The following PCDHA7 variants were observed in gnomAD, a reference collection of about 807,000 sequenced individuals.
The protein encoded by PCDHA7 is protocadherin alpha-7.
PCDHA7 carries 37 observed loss-of-function variants against 57.2 expected under a neutral mutation model. That is an observed-to-expected ratio of 0.65 (90% CI 0.50 to 0.85). The LOEUF (loss-of-function observed/expected upper bound fraction) is 0.85. Ranked by LOEUF, PCDHA7 falls within the 40% of genes least tolerant of loss-of-function variation. PCDHA7 has a pLI of 0.00. For synonymous variants in PCDHA7, 553 were observed against 558.8 expected, an observed-to-expected ratio of 0.99 and a Z score of 0.15; for missense variants, 1,188 against 1,241.8, an observed-to-expected ratio of 0.96 and a Z score of 0.65.
In PCDHA7 at chr5:141,011,141, A is replaced by T. The variant is rs1039778930; in HGVS notation, c.*1204A>T. ...ACAATTATGTGCACTTTGATACACA[A>T]CCTTCTCTAACCAACTATATATCAA... is the stretch of plus-strand genomic sequence containing the variant. On this transcript the variant is annotated 3_prime_UTR_variant, in exon 4 of 4. Transcript: ENST00000525929. 2.6e-5 allele frequency: 4 copies of T among 153,668 alleles called. No homozygotes were observed. The highest frequency in any genetic ancestry group is 4.4e-5 in the Non-Finnish European group (3 of 68,036). The allele number at this position is 153,668 out of a possible 1,614,324, so 9.5% of individuals were successfully genotyped here. A position where few individuals can be genotyped will look rare whatever the true frequency, so the allele number is the denominator to read the frequency against.
chr5:140,864,629 A>G (rs2048549336), intron 1 of PCDHA7: 1 of 152,244 alleles, frequency 6.6e-6, no homozygotes, highest in Non-Finnish European at 1.5e-5. Context: ...TAAAAAGAAA[A>G]CAAAACAAAA....
At position 140,917,079 on chromosome 5, in the gene PCDHA7, A is replaced by G. The variant is rs115825402; in HGVS notation, c.2356-61870A>G. Among the ~76,000 whole-genome samples the G allele has an allele frequency of 8.0e-3, 1,217 of 152,106 alleles. 6 individuals carry two copies. The highest frequency in any genetic ancestry group is 0.019 in the African/African-American group (785 of 41,476). On this transcript the variant is annotated intron_variant, in intron 1 of 3. Coordinates refer to ENST00000525929, the MANE Select transcript of PCDHA7 (RefSeq NM_018910.3). ...GCTACGACAGCACCGAGTTTAATGT[A>G]AAGTTCCCCAGTTGCTGTGCTTTAC... is the stretch of plus-strand genomic sequence containing the variant.
chr5:140,941,243 CTT>C (rs782176516), intron 1 of PCDHA7, among the ~76,000 whole-genome samples: 1 of 131,826 alleles, frequency 7.6e-6, no homozygotes, highest in Non-Finnish European at 1.6e-5. Flanking sequence ...TTCTTTCTTT[CTT>C]TCTTTCTTTC....
At chr5:140,991,991 T>C (rs1420188681) in intron 3 of PCDHA7, among the ~76,000 whole-genome samples, 1 of 151,444 alleles carries the variant, frequency 6.6e-6, no homozygotes, top group Admixed American at 6.6e-5. Context: ...TACCACCCGG[T>C]CTTTCATGTT....
chr5:140,875,246 C>A (rs2055373842), intron 1 of PCDHA7: 3 of 955,372 alleles, frequency 3.1e-6, no homozygotes, highest in Non-Finnish European at 4.4e-6. Flanking sequence ...CTTACATAAT[C>A]AGTCACATGA....
At chr5:140,947,302 C>G (rs1390442873) in intron 1 of PCDHA7, among the ~76,000 whole-genome samples, 2 of 151,504 alleles carry the variant, frequency 1.3e-5, no homozygotes, top group Non-Finnish European at 3.0e-5. Flanking sequence ...ATCTTGACAT[C>G]TTTGTAAAAA....
At chr5:140,998,903 G>C (rs1465203456) in intron 3 of PCDHA7, among the ~76,000 whole-genome samples, 1 of 152,156 alleles carries the variant, frequency 6.6e-6, no homozygotes, top group East Asian at 1.9e-4. Context: ...CAATGCCTCC[G>C]GGAGGTAGCT....
In PCDHA7 at chr5:140,862,815, G is replaced by C. The variant is rs781964079; in HGVS notation, c.2355+26077G>C. 7 of 574,804 alleles carry C rather than the reference G, an allele frequency of 1.2e-5. No individual in the cohort carries two copies. The African/African-American group carries it at 1.3e-4, about 11-fold the overall frequency. The allele number at this position is 574,804 out of a possible 1,614,324, so 35.6% of individuals were successfully genotyped here. A position where few individuals can be genotyped will look rare whatever the true frequency, so the allele number is the denominator to read the frequency against. ...AGGAGCTGGAGCTGCTGCAGTTCTA[G>C]GTGAGAGCGCGCGACGCGGGCATGC... is the stretch of plus-strand genomic sequence containing the variant. On this transcript the variant is annotated intron_variant, in intron 1 of 3. Coordinates refer to ENST00000525929, the MANE Select transcript of PCDHA7 (RefSeq NM_018910.3).
intron 1 of PCDHA7, among the ~76,000 whole-genome samples, chr5:140,893,672 T>G (rs1554185735): frequency 6.6e-6 from 1 of 152,216 alleles, no homozygotes; most frequent in African/African-American, 2.4e-5. Flanking sequence ...ATTTCAGCAC[T>G]TTGGATATAT....
chr5:140,968,639 G>C (rs1278507600), intron 1 of PCDHA7: 1 of 1,614,032 alleles, frequency 6.2e-7, no homozygotes, highest in Non-Finnish European at 8.5e-7. Flanking sequence ...TTACCATCTA[G>C]CCCAGACTTC....
rs1304711365 is a variant in PCDHA7, at chr5:140,835,561, T to C, written c.1178T>C (p.Val393Ala). The change falls in exon 1 of 4, where the codon GTT becomes GCT. Residue 393 changes from valine (V) to alanine (A), a missense_variant. This residue lies in a region of PCDHA7 where 892 missense variants were observed against 788.5 expected (regional missense o/e 1.13). Coordinates refer to ENST00000525929, the MANE Select transcript of PCDHA7 (RefSeq NM_018910.3). Reference sequence around the variant, plus strand: ...GTTACCTGCTCCCTGACGCCCCGCGTTCCCTTCAAGTTGGTGTCCACCTTC... The same window carrying C: ...GTTACCTGCTCCCTGACGCCCCGCGCTCCCTTCAAGTTGGTGTCCACCTTC... ...GQVTCSLTPRVPFKLVSTFKN... is the reference protein window; with the variant it reads ...GQVTCSLTPRAPFKLVSTFKN... The C allele has an allele frequency of 1.2e-6, 2 of 1,613,924 alleles. No individual in the cohort carries two copies. Among genetic ancestry groups the C allele is most frequent in the Non-Finnish European group, 1.7e-6 (2 of 1,179,864 alleles).
In PCDHA7 at chr5:141,009,782, C is replaced by G; in HGVS notation, c.2659C>G (p.Arg887Gly). ...AGGATCTCCTGCAATCATCTCCATC[C>G]GGCAGGAGCCTACTAACAGCCAAAT... ...IPGSPAIISI[R>G]QEPTNSQIDK... Residue 887 changes from arginine to glycine, a missense_variant, in exon 4 of 4, where the codon CGG becomes GGG. By Grantham distance (125) the Arg-to-Gly change is moderately radical. Around this residue, in one of 3 missense-constraint regions of PCDHA7, gnomAD observed 892 missense variants for 788.5 expected, o/e 1.13. Transcript: ENST00000525929. 1.2e-6 allele frequency: 2 copies of G among 1,614,074 alleles called. No homozygotes were observed. Among genetic ancestry groups the G allele is most frequent in the Non-Finnish European group, 1.7e-6 (2 of 1,180,012 alleles).
chr5:140,985,928 C>A (rs1001132600), intron 3 of PCDHA7, among the ~76,000 whole-genome samples: 2 of 151,534 alleles, frequency 1.3e-5, no homozygotes, highest in Non-Finnish European at 2.9e-5. Flanking sequence ...TTTAGTAGAG[C>A]CGGGGTTTCA....
intron 1 of PCDHA7, chr5:140,869,835 A>T (rs782478328): frequency 1.2e-6 from 2 of 1,611,774 alleles, no homozygotes; most frequent in South Asian, 2.2e-5. Context: ...AGTTTGATAA[A>T]TCAGAATATA....
intron 1 of PCDHA7, chr5:140,841,428 C>T (rs2150315251): frequency 3.7e-6 from 6 of 1,612,842 alleles, no homozygotes; most frequent in Admixed American, 1.7e-5. Context: ...TACTCCGTCC[C>T]CGAGGAGGCC....
intron 1 of PCDHA7, 22 bp from the exon 2 acceptor site, chr5:140,978,924 GAAA>G (rs781894146): frequency 6.2e-7 from 1 of 1,614,012 alleles, no homozygotes; most frequent in East Asian, 2.2e-5. Flanking sequence ...CATTTTAACA[GAAA>G]ACTCTCTTTG....
intron 1 of PCDHA7, among the ~76,000 whole-genome samples, chr5:140,890,116 G>A (rs1290402695): frequency 6.6e-6 from 1 of 152,142 alleles, no homozygotes; most frequent in East Asian, 1.9e-4. Flanking sequence ...ATTCAATGAT[G>A]TCACTTTGGT....
chr5:140,968,208 AC>A, intron 1 of PCDHA7: 1 of 1,614,022 alleles, frequency 6.2e-7, no homozygotes, highest in Non-Finnish European at 8.5e-7. Context: ...ATACAGGAGA[AC>A]AATTTGCCAG....
intron 1 of PCDHA7, chr5:140,866,616 C>G (rs1470168934): frequency 6.6e-6 from 1 of 152,048 alleles, no homozygotes; most frequent in Non-Finnish European, 1.5e-5. Context: ...TGGAGAACCT[C>G]CTGGGGTTCT....
Sources: allele counts gnomAD v4.1 joint callset (sites outside exome capture counted in the v4.1 genomes callset), GRCh38; gene constraint gnomAD v4.1.1; regional missense constraint gnomAD v4.1.1; transcripts MANE v1.5; gene names NCBI Gene and HGNC (gene_info 2026-07-23, HGNC 2026-07-21).